Variants in MYEF2 observed in about 807,000 individuals in gnomAD.
MYEF2 encodes the protein myelin gene expression factor 2.
Under a neutral mutation model 75.2 loss-of-function variants are expected in MYEF2, and 37 were observed. The ratio of observed to expected loss-of-function variants is 0.49; its 90% CI spans 0.38 to 0.65. The LOEUF is 0.65. MYEF2 is among the 30% of genes least tolerant of loss of function. The pLI is 0.00. For missense variants in MYEF2, 634 were observed against 771.4 expected, an observed-to-expected ratio of 0.82 and a Z score of 2.11; for synonymous variants, 195 against 241.6, an observed-to-expected ratio of 0.81 and a Z score of 1.79.
intron 9 of MYEF2, chr15:48,157,665 G>T: frequency 1.2e-6 from 1 of 801,600 alleles, no homozygotes; most frequent in Non-Finnish European, 1.5e-6. Context: ...CAGGCTAGAA[G>T]AAAATACACA....
intron 1 of MYEF2, among the ~76,000 whole-genome samples, chr15:48,177,139 T>C (rs892741625): frequency 6.6e-6 from 1 of 152,226 alleles, no homozygotes; most frequent in African/African-American, 2.4e-5. Flanking sequence ...TTCACTTAAT[T>C]ATTAACATAC....
intron 5 of MYEF2, chr15:48,162,811 A>G (rs2039991835): frequency 6.6e-6 from 1 of 152,200 alleles, no homozygotes; most frequent in Non-Finnish European, 1.5e-5. Flanking sequence ...GTGCCCAAAT[A>G]AAACAGCGAA....
chr15:48,134,960 T>C lies in MYEF2; in HGVS notation c.*7948A>G. 1 of 1,611,164 alleles carries C rather than the reference T, an allele frequency of 6.2e-7. No individual in the cohort carries two copies. Among genetic ancestry groups the C allele is most frequent in the South Asian group, 1.1e-5 (1 of 90,720 alleles). On this transcript the variant is annotated 3_prime_UTR_variant, in exon 17 of 17. Coordinates refer to ENST00000324324, the MANE Select transcript of MYEF2 (RefSeq NM_016132.5). ...ATTAGTGCAGCAGCAGTTCTTGGTA[T>C]AATATATGACAACCAAGTTTACTGG...
At chr15:48,166,349 C>T (rs999343064) in intron 3 of MYEF2, among the ~76,000 whole-genome samples, 13 of 151,844 alleles carry the variant, frequency 8.6e-5, no homozygotes, top group African/African-American at 3.1e-4. Flanking sequence ...TAACATGTAA[C>T]AAGCTTGGAG....
At chr15:48,150,468 T>C (rs1454450152) in intron 14 of MYEF2, among the ~76,000 whole-genome samples, 3 of 151,912 alleles carry the variant, frequency 2.0e-5, no homozygotes, top group Non-Finnish European at 2.9e-5. Flanking sequence ...CAGAGACATG[T>C]CCCAGTAAGC....
chr15:48,166,108 A>C lies in MYEF2; in HGVS notation c.431+13T>G. The C allele has an allele frequency of 6.3e-7, 1 of 1,579,548 alleles. No homozygotes were observed. Among genetic ancestry groups the C allele is most frequent in the Non-Finnish European group, 8.6e-7 (1 of 1,160,350 alleles). On this transcript the variant is annotated intron_variant, in intron 4 of 16. Transcript: ENST00000324324. The stretch of plus-strand genomic sequence containing the variant: ...TAATTTGACTTAAGATACTTAAAGA[A>C]AAAATTTCTTACCCACAACCCTATA...
chr15:48,178,110 G>A lies in MYEF2; in HGVS notation c.128C>T (p.Pro43Leu). ...PHPAEAEKQQ[P>L]QHSSSSNGVK... ...GCCATTGGAGCTGCTGCTGTGCTGC[G>A]GCTGCTGCTTCTCCGCCTCCGCGGG... Residue 43 changes from proline (P) to leucine (L), a missense_variant, in exon 1 of 17, where the codon CCG becomes CTG. Physicochemically the swap from Pro to Leu is moderately conservative, Grantham distance 98 (BLOSUM62 -3). Transcript: ENST00000324324. 1.3e-6 allele frequency: 2 copies of A among 1,597,254 alleles called. No homozygotes were observed. Among genetic ancestry groups the A allele is most frequent in the Non-Finnish European group, 1.7e-6 (2 of 1,172,774 alleles).
rs2039488447 is a variant in MYEF2 at position 48,151,455 on chromosome 15, G to A, written c.1306+18C>T. On this transcript the variant is annotated intron_variant, in intron 13 of 16. Transcript: ENST00000324324. Reference sequence around the variant, plus strand: ...ATAGCCTACAAAAAGAAAAGGAGAAGTATGCAGCCAGCCCTACCAAGTCTA... The same window carrying A: ...ATAGCCTACAAAAAGAAAAGGAGAAATATGCAGCCAGCCCTACCAAGTCTA... The A allele has an allele frequency of 6.3e-7, 1 of 1,595,068 alleles. No homozygotes were observed. The highest frequency in any genetic ancestry group is 1.1e-5 in the South Asian group (1 of 90,572).
intron 16 of MYEF2, among the ~76,000 whole-genome samples, chr15:48,146,632 G>A (rs1039682789): frequency 1.3e-5 from 2 of 151,948 alleles, no homozygotes; most frequent in Non-Finnish European, 1.5e-5. Context: ...GACAGATATT[G>A]TTTATGGGAG....
chr15:48,138,905 T>G lies in MYEF2; in HGVS notation c.*4003A>C. ...ATTTATTTCAATATAACTTTCTAAA[T>G]AGGCATTTCTAACTTAATTAGCCAT... On this transcript the variant is annotated 3_prime_UTR_variant, in exon 17 of 17. Transcript: ENST00000324324. 1 of 1,186,816 alleles carries G rather than the reference T, an allele frequency of 8.4e-7. No individual in the cohort carries two copies. Among genetic ancestry groups the G allele is most frequent in the Non-Finnish European group, 1.2e-6 (1 of 824,508 alleles). 73.5% of individuals were successfully genotyped at this position (1,186,816 alleles called of 1,614,324 possible).
chr15:48,162,144 C>T (rs940974509), intron 5 of MYEF2, among the ~76,000 whole-genome samples: 2 of 151,960 alleles, frequency 1.3e-5, no homozygotes, highest in Middle Eastern at 3.4e-3. Flanking sequence ...ATAAAGGTAT[C>T]TGGGATACAT....
chr15:48,138,331 G>C lies in MYEF2; in HGVS notation c.*4577C>G, dbSNP rs929160307. 1 of 151,506 alleles carries C rather than the reference G, an allele frequency of 6.6e-6. No homozygotes were observed. Among genetic ancestry groups the C allele is most frequent in the Non-Finnish European group, 1.5e-5 (1 of 67,816 alleles). 9.4% of individuals were successfully genotyped at this position (151,506 alleles called of 1,614,324 possible). A position where few individuals can be genotyped will look rare whatever the true frequency, so the allele number is the denominator to read the frequency against. Reference sequence around the variant, plus strand: ...CATTATCCTTCTACTAAATTAAATTGAATAAAGAAATATACTCAATTTTCA... The same window carrying C: ...CATTATCCTTCTACTAAATTAAATTCAATAAAGAAATATACTCAATTTTCA... On this transcript the variant is annotated 3_prime_UTR_variant, in exon 17 of 17. Transcript: ENST00000324324.
intron 5 of MYEF2, among the ~76,000 whole-genome samples, chr15:48,163,439 T>C (rs993244483): frequency 6.6e-6 from 1 of 152,140 alleles, no homozygotes; most frequent in Non-Finnish European, 1.5e-5. Context: ...AGCTGGTTCA[T>C]GAGATTTAAA....
At position 48,141,135 on chromosome 15, in the gene MYEF2, T is replaced by C. The variant is rs760325425; in HGVS notation, c.*1773A>G. ...CAGGGGAAACACTAGAAATTCCCGA[T>C]ACAGTAATGGGCCTTACTTTATTAG... On this transcript the variant is annotated 3_prime_UTR_variant, in exon 17 of 17. Transcript: ENST00000324324. 7 of 1,613,436 alleles carry C rather than the reference T, an allele frequency of 4.3e-6. No individual in the cohort carries two copies. The highest frequency in any genetic ancestry group is 3.3e-5 in the South Asian group (3 of 91,074).
rs2039030204 is a variant in MYEF2 at position 48,140,445 on chromosome 15, T to A, written c.*2463A>T. ...TTACAACATTAAAGGAACAGTTACA[T>A]AACCTTTTGTTTAACTTCTCTCTGG... On this transcript the variant is annotated 3_prime_UTR_variant, in exon 17 of 17. Coordinates refer to ENST00000324324, the MANE Select transcript of MYEF2 (RefSeq NM_016132.5). The A allele has an allele frequency of 6.6e-6, 1 of 152,168 alleles. No individual in the cohort carries two copies. Among genetic ancestry groups the A allele is most frequent in the Admixed American group, 6.5e-5 (1 of 15,274 alleles). 9.4% of individuals were successfully genotyped at this position (152,168 alleles called of 1,614,324 possible). A position where few individuals can be genotyped will look rare whatever the true frequency, so the allele number is the denominator to read the frequency against.
At chr15:48,163,530 C>T (rs2040027505) in intron 5 of MYEF2, among the ~76,000 whole-genome samples, 1 of 152,166 alleles carries the variant, frequency 6.6e-6, no homozygotes, top group Non-Finnish European at 1.5e-5. Context: ...TTATCCAGAA[C>T]ACCTAGCTAA....
intron 1 of MYEF2, among the ~76,000 whole-genome samples, chr15:48,177,856 C>A (rs1366322956): frequency 6.6e-6 from 1 of 152,108 alleles, no homozygotes; most frequent in East Asian, 1.9e-4. Flanking sequence ...GTCCCCGGGC[C>A]CCCAGCCCCG....
Position 48,141,309 on chromosome 15 carries a change from T to G in MYEF2, c.*1599A>C. ...AATGTTTACTTCCAGCCGGGTGTGG[T>G]GGCTCGCGCCTGTAATCCCAGGATT... On this transcript the variant is annotated 3_prime_UTR_variant, in exon 17 of 17. Coordinates refer to ENST00000324324, the MANE Select transcript of MYEF2 (RefSeq NM_016132.5). 2.0e-6 allele frequency: 2 copies of G among 1,014,164 alleles called. No individual in the cohort carries two copies. Among genetic ancestry groups the G allele is most frequent in the African/African-American group, 1.6e-5 (1 of 61,170 alleles). 62.8% of individuals were successfully genotyped at this position (1,014,164 alleles called of 1,614,324 possible). A position where few individuals can be genotyped will look rare whatever the true frequency, so the allele number is the denominator to read the frequency against.
At chr15:48,158,400 G>C (rs1030832500) in intron 7 of MYEF2, among the ~76,000 whole-genome samples, 176 bp from the exon 8 acceptor site, 1 of 151,832 alleles carries the variant, frequency 6.6e-6, no homozygotes, top group Admixed American at 6.6e-5. Flanking sequence ...TTTGCTTTAC[G>C]GTTTTATTTC....
Sources: gnomAD v4.1 joint callset for allele counts (sites outside exome capture counted in the v4.1 genomes callset) on GRCh38, gnomAD v4.1.1 for gene constraint, MANE v1.5 for transcripts, NCBI Gene and HGNC (gene_info 2026-07-23, HGNC 2026-07-21) for gene names.